The following SLC26A3 variants were observed in gnomAD, a reference collection of about 807,000 sequenced individuals.
SLC26A3 encodes the protein solute carrier family 26 member 3, also known as chloride anion exchanger.
SLC26A3 carries 64 observed loss-of-function variants against 85.6 expected under a neutral mutation model. That is an observed-to-expected ratio of 0.75 (90% CI 0.61 to 0.92). The LOEUF (loss-of-function observed/expected upper bound fraction) is 0.92. Among genes scored for constraint, SLC26A3 ranks in the 40% least tolerant of loss-of-function variants. The pLI, the probability that SLC26A3 is intolerant of heterozygous loss-of-function variation, is 0.00. For synonymous variants in SLC26A3, 349 were observed against 336.0 expected, an observed-to-expected ratio of 1.04 and a Z score of -0.42; for missense variants, 922 against 927.3, an observed-to-expected ratio of 0.99 and a Z score of 0.07.
At position 107,786,896 on chromosome 7, in the gene SLC26A3, G is replaced by T; in HGVS notation, c.902C>A (p.Ala301Glu). 2 of 1,613,910 alleles carry T rather than the reference G, an allele frequency of 1.2e-6. No individual in the cohort carries two copies. The highest frequency in any genetic ancestry group is 1.7e-6 in the Non-Finnish European group (2 of 1,179,926). ...PIEFIMTVIA[A>E]GVSYGCDFKN... is the part of the protein sequence containing the mutation. ...AAAGTCACAGCCGTAGGATACACCT[G>T]CTGCAATCACGGTCTGCAAAGTTGC... Residue 301 changes from alanine to glutamate, a missense_variant, in exon 8 of 21, where the codon GCA becomes GAA. Ala to Glu is a moderately radical substitution (Grantham distance 107). Coordinates refer to ENST00000340010, the MANE Select transcript of SLC26A3 (RefSeq NM_000111.3).
intron 12 of SLC26A3, 62 bp from the exon 13 acceptor site, chr7:107,778,343 G>A (rs1033562055): frequency 5.6e-5 from 46 of 815,286 alleles, no homozygotes; most frequent in Admixed American, 2.5e-4. Flanking sequence ...ATGTCGAGAC[G>A]GGGTCTTTTA....
chr7:107,773,863 T>A, intron 17 of SLC26A3, 57 bp downstream of exon 17: 1 of 1,430,546 alleles, frequency 7.0e-7, no homozygotes, highest in Non-Finnish European at 9.8e-7. Flanking sequence ...CAAATACAAT[T>A]TTTTTTTTAA....
intron 12 of SLC26A3, among the ~76,000 whole-genome samples, chr7:107,779,072 A>G (rs1794175995): frequency 6.6e-6 from 1 of 152,220 alleles, no homozygotes; most frequent in African/African-American, 2.4e-5. Context: ...AATGGTTGCT[A>G]TCTTTATAAG....
Position 107,781,548 on chromosome 7 carries a change from T to C in SLC26A3, c.1311+1249A>G, listed in dbSNP as rs557911804. Among the ~76,000 whole-genome samples, 7 of 152,106 alleles carry C rather than the reference T, an allele frequency of 4.6e-5. No individual in the cohort carries two copies. The South Asian group carries it at 1.5e-3, about 32-fold the overall frequency. ...GAGGGTGGAGTTCTCTCTGTAGGGGTGAGTGTGTGTGCGTTTATTTTTATT... is the reference window on the plus strand; with the variant it reads ...GAGGGTGGAGTTCTCTCTGTAGGGGCGAGTGTGTGTGCGTTTATTTTTATT... On this transcript the variant is annotated intron_variant, in intron 11 of 20. Transcript: ENST00000340010.
intron 15 of SLC26A3, among the ~76,000 whole-genome samples, chr7:107,775,081 C>T (rs1463065208): frequency 6.6e-6 from 1 of 152,168 alleles, no homozygotes; most frequent in Non-Finnish European, 1.5e-5. Context: ...TATCAACAGT[C>T]AAAAGCTTTT....
rs187600896 is a variant in SLC26A3, at chr7:107,794,549, G to T, written c.-40C>A. The T allele has an allele frequency of 1.2e-5, 20 of 1,612,504 alleles. No individual in the cohort carries two copies. The highest frequency in any genetic ancestry group is 1.7e-5 in the Non-Finnish European group (20 of 1,178,790). On this transcript the variant is annotated 5_prime_UTR_variant, in exon 2 of 21. Coordinates refer to ENST00000340010, the MANE Select transcript of SLC26A3 (RefSeq NM_000111.3). ...TGGCTGTGGCAAGTTGAAGACCTTTGCAACTATGTGGTGAACACTTCTTCT... is the reference window on the plus strand; with the variant it reads ...TGGCTGTGGCAAGTTGAAGACCTTTTCAACTATGTGGTGAACACTTCTTCT...
At chr7:107,782,753 G>T in intron 11 of SLC26A3, 44 bp downstream of exon 11, 1 of 1,568,574 alleles carries the variant, frequency 6.4e-7, no homozygotes, top group Non-Finnish European at 8.8e-7. Flanking sequence ...CGGGGTCCTT[G>T]ATTTACCACT....
chr7:107,788,619 TC>T (rs1794337253), intron 6 of SLC26A3, among the ~76,000 whole-genome samples: 1 of 152,068 alleles, frequency 6.6e-6, no homozygotes, highest in Admixed American at 6.5e-5. Flanking sequence ...ACTTTTTTTT[TC>T]CTTTTGGAAA....
chr7:107,790,981 A>T (rs1562880779), intron 5 of SLC26A3, 67 bp downstream of exon 5: 3 of 1,532,162 alleles, frequency 2.0e-6, no homozygotes, highest in Admixed American at 3.6e-5. Context: ...GGGAGGAAAA[A>T]TAGAGAGATG....
rs1794463828 is a variant in SLC26A3 at position 107,794,566 on chromosome 7, A to G, written c.-57T>C. On this transcript the variant is annotated 5_prime_UTR_variant, in exon 2 of 21. Coordinates refer to ENST00000340010, the MANE Select transcript of SLC26A3 (RefSeq NM_000111.3). ...AGACCTTTGCAACTATGTGGTGAAC[A>G]CTTCTTCTTGCCTTTAGCAGGTTAA... 4 of 1,603,918 alleles carry G rather than the reference A, an allele frequency of 2.5e-6. No homozygotes were observed. The Admixed American group carries it at 5.0e-5, about 20-fold the overall frequency.
In SLC26A3 at chr7:107,779,777, A is replaced by C; in HGVS notation, c.1312-14T>G. 6.2e-7 allele frequency: 1 copy of C among 1,600,270 alleles called. No individual in the cohort carries two copies. ...TGCCAGGACGGACTGTGAAAAACACAAACATCAGATGTACTTTAAGTTAAT... is the reference window on the plus strand; with the variant it reads ...TGCCAGGACGGACTGTGAAAAACACCAACATCAGATGTACTTTAAGTTAAT... On this transcript the variant is annotated splice_polypyrimidine_tract_variant and intron_variant, in intron 11 of 20. Coordinates refer to ENST00000340010, the MANE Select transcript of SLC26A3 (RefSeq NM_000111.3).
At chr7:107,788,784 C>CTTTTTTTTTTTTTTTTTT (rs71861759) in intron 6 of SLC26A3, among the ~76,000 whole-genome samples, 45 of 108,012 alleles carry the variant, frequency 4.2e-4, no homozygotes, top group Non-Finnish European at 5.4e-4. Context: ...TTTTTCTTTT[C>CTTTTTTTTTTTTTTTTTT]TTTTTTTTTT....
At position 107,765,793 on chromosome 7, in the gene SLC26A3, T is replaced by G; in HGVS notation, c.*62A>C. 1 of 1,209,976 alleles carries G rather than the reference T, an allele frequency of 8.3e-7. No homozygotes were observed. The highest frequency in any genetic ancestry group is 1.2e-6 in the Non-Finnish European group (1 of 813,088). 75.0% of individuals were successfully genotyped at this position (1,209,976 alleles called of 1,614,324 possible). A position where few individuals can be genotyped will look rare whatever the true frequency, so the allele number is the denominator to read the frequency against. ...CAATGTATGAACTTATCAATAACTT[T>G]CTGGGTATAAAGTTGTTTTTATGTC... On this transcript the variant is annotated 3_prime_UTR_variant, in exon 21 of 21. Coordinates refer to ENST00000340010, the MANE Select transcript of SLC26A3 (RefSeq NM_000111.3).
At chr7:107,787,328 T>TATGACAGA (rs1357677235) in intron 7 of SLC26A3, 29 bp downstream of exon 7, 1 of 1,612,442 alleles carries the variant, frequency 6.2e-7, no homozygotes, top group Admixed American at 1.7e-5. Flanking sequence ...GTAGAGTAGC[T>TATGACAGA]ATGACAGAGT....
intron 13 of SLC26A3, 191 bp from the exon 14 acceptor site, chr7:107,776,897 A>G: frequency 1.5e-6 from 1 of 648,054 alleles, no homozygotes; most frequent in South Asian, 1.8e-5. Context: ...CTCTCACAGC[A>G]CCTGAAAAGT....
chr7:107,770,018 CTT>C lies in SLC26A3; in HGVS notation c.2062+2034_2062+2035del, dbSNP rs1554377096. On this transcript the variant is annotated intron_variant, in intron 18 of 20. Transcript: ENST00000340010. ...CTTTTTTCTCTTTCTTTCTTTCTTT[CTT>C]TCTTTCTTTCTTTCTTTCTTTCTTT... 1.3e-4 allele frequency among the ~76,000 whole-genome samples: 5 copies of C among 38,408 alleles called. 1 individual carries two copies. The highest frequency in any genetic ancestry group is 2.3e-4 in the Non-Finnish European group (5 of 21,986). 25.2% of individuals were successfully genotyped at this position (38,408 alleles called of 152,430 possible).
intron 2 of SLC26A3, among the ~76,000 whole-genome samples, 195 bp from the exon 3 acceptor site, chr7:107,794,076 T>C (rs1195282673): frequency 2.0e-5 from 3 of 152,238 alleles, no homozygotes; most frequent in Non-Finnish European, 2.9e-5. Flanking sequence ...TGCTTTTCTT[T>C]AACCATAATA....
intron 17 of SLC26A3, among the ~76,000 whole-genome samples, chr7:107,773,427 T>C (rs1026283231): frequency 2.0e-5 from 3 of 152,150 alleles, no homozygotes; most frequent in East Asian, 1.9e-4. Flanking sequence ...TAGTACCCAG[T>C]CTCATGGAAA....
At chr7:107,773,001 AAGAG>A (rs1293942838) in intron 17 of SLC26A3, among the ~76,000 whole-genome samples, 1 of 152,206 alleles carries the variant, frequency 6.6e-6, no homozygotes, top group Non-Finnish European at 1.5e-5. Context: ...ACCCAAGAAA[AAGAG>A]AGAAAGATGT....
Sources: gnomAD v4.1 joint callset for allele counts (sites outside exome capture counted in the v4.1 genomes callset) on GRCh38, gnomAD v4.1.1 for gene constraint, MANE v1.5 for transcripts, NCBI Gene and HGNC (gene_info 2026-07-23, HGNC 2026-07-21) for gene names.